The following DCDC2C variants were observed in gnomAD, a reference collection of about 807,000 sequenced individuals.
DCDC2C encodes the protein doublecortin domain-containing protein 2C.
A neutral mutation model predicts 45.0 loss-of-function variants in DCDC2C; 44 were observed. The observed-to-expected ratio is 0.98, with a 90% CI of 0.77 to 1.26. The LOEUF (loss-of-function observed/expected upper bound fraction) is 1.26, where lower values mean the gene tolerates loss of function less well. Among genes scored for constraint, DCDC2C ranks in the 50% most tolerant of loss-of-function variants. The pLI is 0.00. For synonymous variants in DCDC2C, 187 were observed against 178.8 expected (o/e 1.05, Z -0.37); for missense variants, 447 against 468.9 (o/e 0.95, Z 0.43).
At chr2:3,704,990 G>T (rs180728970) in intron 1 of DCDC2C, among the ~76,000 whole-genome samples, 1 of 152,082 alleles carries the variant, frequency 6.6e-6, no homozygotes, top group Admixed American at 6.5e-5. Context: ...TTTTGACTGT[G>T]AACTACTCCT....
At chr2:3,800,701 C>A (rs1382856409) in intron 10 of DCDC2C, among the ~76,000 whole-genome samples, 1 of 129,086 alleles carries the variant, frequency 7.7e-6, no homozygotes, top group African/African-American at 2.5e-5. Flanking sequence ...TTACAAAGGT[C>A]ATGTGCTCAA....
rs1010786361 is a variant in DCDC2C at position 3,847,413 on chromosome 2, G to A, written c.*230G>A. Reference sequence around the variant, plus strand: ...TAGTAAACATTTTAAAGAATGAAACGTGGTTCTTTATCATTAAGCCCCCAA... The same window carrying A: ...TAGTAAACATTTTAAAGAATGAAACATGGTTCTTTATCATTAAGCCCCCAA... On this transcript the variant is annotated 3_prime_UTR_variant, in exon 11 of 11. Coordinates refer to ENST00000399143, the MANE Select transcript of DCDC2C (RefSeq NM_001287444.2). 18 of 347,876 alleles carry A rather than the reference G, an allele frequency of 5.2e-5. No homozygotes were observed. Among genetic ancestry groups the A allele is most frequent in the African/African-American group, 2.3e-4 (11 of 47,412 alleles). The allele number at this position is 347,876 out of a possible 1,614,324, so 21.5% of individuals were successfully genotyped here. A position where few individuals can be genotyped will look rare whatever the true frequency, so the allele number is the denominator to read the frequency against.
At chr2:3,729,206 G>A (rs1201996994) in intron 3 of DCDC2C, among the ~76,000 whole-genome samples, 1 of 152,162 alleles carries the variant, frequency 6.6e-6, no homozygotes, top group Admixed American at 6.5e-5. Flanking sequence ...TTTACTTGGG[G>A]ACTCCCTGCC....
At chr2:3,762,599 G>A (rs1669909489) in intron 6 of DCDC2C, among the ~76,000 whole-genome samples, 1 of 152,044 alleles carries the variant, frequency 6.6e-6, no homozygotes. Flanking sequence ...GTCGGGGGGA[G>A]CAGGGGAGGT....
chr2:3,716,270 G>C (rs1668347342), intron 2 of DCDC2C, among the ~76,000 whole-genome samples: 1 of 152,190 alleles, frequency 6.6e-6, no homozygotes, highest in South Asian at 2.1e-4. Flanking sequence ...AGGGAGGTGA[G>C]AAGGAGCAGA....
At chr2:3,789,040 A>C (rs1004730666) in intron 10 of DCDC2C, among the ~76,000 whole-genome samples, 2 of 151,798 alleles carry the variant, frequency 1.3e-5, no homozygotes, top group African/African-American at 4.8e-5. Flanking sequence ...TTTAGTAGAG[A>C]AGGATTTCAC....
chr2:3,752,903 G>T lies in DCDC2C; in HGVS notation c.683+3G>T. 6.5e-7 allele frequency: 1 copy of T among 1,550,062 alleles called. No individual in the cohort carries two copies. Among genetic ancestry groups the T allele is most frequent in the South Asian group, 1.2e-5 (1 of 83,992 alleles). On this transcript the variant is annotated splice_donor_region_variant and intron_variant, in intron 5 of 10. Coordinates refer to ENST00000399143, the MANE Select transcript of DCDC2C (RefSeq NM_001287444.2). ...AGGGTGCCCAGTGAGGTCCAACAGT[G>T]AGCATGCTTCGTACCTTTCTTTCCT...
intron 10 of DCDC2C, among the ~76,000 whole-genome samples, chr2:3,799,776 TCAGA>T (rs1294885518): frequency 6.6e-6 from 1 of 152,290 alleles, no homozygotes; most frequent in Non-Finnish European, 1.5e-5. Flanking sequence ...TTCAAAGCTG[TCAGA>T]CAGGGACATT....
intron 10 of DCDC2C, among the ~76,000 whole-genome samples, chr2:3,836,113 C>G (rs1672069182): frequency 6.6e-6 from 1 of 152,088 alleles, no homozygotes; most frequent in African/African-American, 2.4e-5. Context: ...CTGACCAGCG[C>G]CACCCACCTG....
At chr2:3,846,782 T>C (rs1672343323) in intron 10 of DCDC2C, among the ~76,000 whole-genome samples, 1 of 151,940 alleles carries the variant, frequency 6.6e-6, no homozygotes, top group Non-Finnish European at 1.5e-5. Flanking sequence ...CTCAGCACAT[T>C]CAATGCTGGT....
At chr2:3,811,429 T>G (rs1671389280) in intron 10 of DCDC2C, among the ~76,000 whole-genome samples, 1 of 152,228 alleles carries the variant, frequency 6.6e-6, no homozygotes, top group African/African-American at 2.4e-5. Flanking sequence ...ACATTTATTT[T>G]GTATCCTGAG....
chr2:3,838,995 A>T (rs1672147186), intron 10 of DCDC2C, among the ~76,000 whole-genome samples: 1 of 152,172 alleles, frequency 6.6e-6, no homozygotes, highest in Non-Finnish European at 1.5e-5. Flanking sequence ...TTGAATACAG[A>T]AAATAAAATT....
At chr2:3,713,920 A>G (rs1447413512) in intron 2 of DCDC2C, among the ~76,000 whole-genome samples, 1 of 152,232 alleles carries the variant, frequency 6.6e-6, no homozygotes, top group African/African-American at 2.4e-5. Context: ...TTTGAGATCC[A>G]TGATTGCCTA....
chr2:3,837,620 G>GGCTACAGTATCACGA lies in DCDC2C; in HGVS notation c.1066-9533_1066-9532insCTACAGTATCACGAG, dbSNP rs1672113360. 2.0e-5 allele frequency among the ~76,000 whole-genome samples: 2 copies of GGCTACAGTATCACGA among 102,384 alleles called. 1 individual carries two copies. The highest frequency in any genetic ancestry group is 4.7e-5 in the Non-Finnish European group (2 of 43,000). 67.2% of individuals were successfully genotyped at this position (102,384 alleles called of 152,430 possible). A position where few individuals can be genotyped will look rare whatever the true frequency, so the allele number is the denominator to read the frequency against. ...TCTCATCTAAAGGGGAAGAAACTGA[G>GGCTACAGTATCACGA]GAAGAAATCAGCCTTTGGCTCCCCC... On this transcript the variant is annotated intron_variant, in intron 10 of 10. Coordinates refer to ENST00000399143, the MANE Select transcript of DCDC2C (RefSeq NM_001287444.2).
At chr2:3,727,564 G>A (rs1053177028) in intron 3 of DCDC2C, among the ~76,000 whole-genome samples, 3 of 152,220 alleles carry the variant, frequency 2.0e-5, no homozygotes, top group Admixed American at 2.0e-4. Context: ...TGTTGCTACA[G>A]GAACGGAGTG....
chr2:3,757,838 C>T (rs930672374), intron 6 of DCDC2C, among the ~76,000 whole-genome samples: 2 of 152,170 alleles, frequency 1.3e-5, no homozygotes, highest in Non-Finnish European at 1.5e-5. Context: ...AGATCATTGA[C>T]GCCTCTCCTA....
chr2:3,844,888 C>T (rs780067860), intron 10 of DCDC2C, among the ~76,000 whole-genome samples: 34 of 152,306 alleles, frequency 2.2e-4, no homozygotes, highest in Admixed American at 6.5e-4. Flanking sequence ...ACTTTGCGAA[C>T]GGCACATGTT....
chr2:3,751,660 T>A (rs915360307), intron 4 of DCDC2C, among the ~76,000 whole-genome samples: 1 of 152,140 alleles, frequency 6.6e-6, no homozygotes, highest in Admixed American at 6.5e-5. Context: ...AGGGATAGGT[T>A]CTATAGATTC....
chr2:3,774,469 C>A (rs1670275254), intron 8 of DCDC2C, among the ~76,000 whole-genome samples: 1 of 152,236 alleles, frequency 6.6e-6, no homozygotes, highest in African/African-American at 2.4e-5. Flanking sequence ...CAAGCCTTCA[C>A]CTTTGGCCTT....
Sources: gnomAD v4.1 joint callset for allele counts (sites outside exome capture counted in the v4.1 genomes callset) on GRCh38, gnomAD v4.1.1 for gene constraint, MANE v1.5 for transcripts, NCBI Gene and HGNC (gene_info 2026-07-23, HGNC 2026-07-21) for gene names.